The following STK33 variants were observed in gnomAD, a reference collection of about 807,000 sequenced individuals.
STK33 encodes serine/threonine-protein kinase 33.
STK33 carries 52 observed loss-of-function variants against 58.0 expected under a neutral mutation model. That is an observed-to-expected ratio of 0.90 (90% CI 0.72 to 1.13). STK33 has a LOEUF of 1.13. Among genes scored for constraint, STK33 ranks in the 50% most tolerant of loss-of-function variants. The probability of loss-of-function intolerance (pLI) is 0.00; values close to 1 mark genes in which losing one functional copy is unlikely to be tolerated. For missense variants in STK33, 630 were observed against 604.2 expected, an observed-to-expected ratio of 1.04 and a Z score of -0.45; for synonymous variants, 215 against 200.1, an observed-to-expected ratio of 1.07 and a Z score of -0.63.
At chr11:8,482,748 G>GAGAC (rs1347154701) in intron 1 of STK33, among the ~76,000 whole-genome samples, 2 of 148,114 alleles carry the variant, frequency 1.4e-5, no homozygotes, top group African/African-American at 4.9e-5. Flanking sequence ...TTATTTTTTT[G>GAGAC]AGACAGAGTC....
At chr11:8,360,700 C>T in the STK33 span, among the ~76,000 whole-genome samples, 3 of 152,242 alleles carry the variant, frequency 2.0e-5, no homozygotes, top group Non-Finnish European at 4.4e-5. Context: ...CTGATGTCCC[C>T]GTTTCCTTGC....
intron 1 of STK33, among the ~76,000 whole-genome samples, chr11:8,571,193 C>T (rs1957783861): frequency 6.6e-6 from 1 of 152,182 alleles, no homozygotes; most frequent in African/African-American, 2.4e-5. Flanking sequence ...CTTCCGAAAT[C>T]TGCAGGAGCA....
At chr11:8,339,719 G>A in the STK33 span, among the ~76,000 whole-genome samples, 1 of 152,242 alleles carries the variant, frequency 6.6e-6, no homozygotes, top group Non-Finnish European at 1.5e-5. Context: ...GTGGGTGGGA[G>A]GTTGTCACCT....
chr11:8,570,518 G>A (rs1591837002), intron 1 of STK33, among the ~76,000 whole-genome samples: 1 of 152,142 alleles, frequency 6.6e-6, no homozygotes, highest in South Asian at 2.1e-4. Context: ...CCAAATGAAT[G>A]TCCAACAACA....
chr11:8,452,953 G>A (rs967125394), intron 10 of STK33, 47 bp from the exon 11 acceptor site: 2 of 1,505,268 alleles, frequency 1.3e-6, no homozygotes, highest in Non-Finnish European at 1.9e-6. Flanking sequence ...CTGTCCTAGA[G>A]CTCACTCATT....
chr11:8,493,899 C>T (rs943943749), intron 1 of STK33, among the ~76,000 whole-genome samples: 1 of 152,120 alleles, frequency 6.6e-6, no homozygotes, highest in Non-Finnish European at 1.5e-5. Flanking sequence ...ATTCAACAGC[C>T]CTTCATGCTA....
At chr11:8,552,030 G>A (rs1460278741) in intron 1 of STK33, among the ~76,000 whole-genome samples, 1 of 152,148 alleles carries the variant, frequency 6.6e-6, no homozygotes, top group Non-Finnish European at 1.5e-5. Flanking sequence ...ACCCCCAGAT[G>A]GTACAACCCT....
At chr11:8,395,838 A>G (rs969462444) in intron 15 of STK33, among the ~76,000 whole-genome samples, 2 of 152,236 alleles carry the variant, frequency 1.3e-5, no homozygotes, top group African/African-American at 2.4e-5. Flanking sequence ...GATAAATGGT[A>G]TATGGATTTG....
chr11:8,437,876 T>C (rs2136313205), intron 12 of STK33, among the ~76,000 whole-genome samples: 1 of 152,364 alleles, frequency 6.6e-6, no homozygotes, highest in South Asian at 2.1e-4. Flanking sequence ...CTTATTTTAA[T>C]ACTTTTTATC....
chr11:8,534,556 CTCTCTCTCTCTCTGTGTGTG>C (rs1428770953), intron 1 of STK33, among the ~76,000 whole-genome samples: 3 of 130,556 alleles, frequency 2.3e-5, no homozygotes, highest in African/African-American at 9.7e-5. Context: ...CTCTCTCTCT[CTCTCTCTCTCTCTGTGTGTG>C]TGTGTGTGTG....
the STK33 span, among the ~76,000 whole-genome samples, chr11:8,378,219 G>T: frequency 6.6e-5 from 10 of 152,162 alleles, no homozygotes; most frequent in Non-Finnish European, 1.0e-4. Context: ...AGAGCGAAGT[G>T]GGGGGAAGCC....
the STK33 span, among the ~76,000 whole-genome samples, chr11:8,374,692 G>C: frequency 2.6e-5 from 4 of 152,172 alleles, no homozygotes; most frequent in African/African-American, 9.7e-5. Context: ...TGGGGGAAGG[G>C]CTGGAGCTTT....
chr11:8,560,756 T>C (rs965571254), intron 1 of STK33, among the ~76,000 whole-genome samples: 1 of 152,158 alleles, frequency 6.6e-6, no homozygotes, highest in African/African-American at 2.4e-5. Flanking sequence ...ACACACATTA[T>C]TGTATTTAAT....
At chr11:8,456,133 T>C (rs1303568340) in intron 9 of STK33, among the ~76,000 whole-genome samples, 2 of 152,236 alleles carry the variant, frequency 1.3e-5, no homozygotes, top group Non-Finnish European at 2.9e-5. Flanking sequence ...AAAATGTTGC[T>C]AAGATTTTGT....
At chr11:8,419,987 T>C (rs1278367147) in intron 14 of STK33, among the ~76,000 whole-genome samples, 1 of 152,130 alleles carries the variant, frequency 6.6e-6, no homozygotes, top group Non-Finnish European at 1.5e-5. Context: ...ATTATTTTTG[T>C]TGTTGTAGAG....
chr11:8,481,528 G>A (rs1949799616), intron 1 of STK33, among the ~76,000 whole-genome samples: 1 of 152,174 alleles, frequency 6.6e-6, no homozygotes, highest in Admixed American at 6.5e-5. Flanking sequence ...CCCAGCATAA[G>A]GCAGACAATG....
At chr11:8,549,465 G>C (rs896680947) in intron 1 of STK33, among the ~76,000 whole-genome samples, 26 of 151,462 alleles carry the variant, frequency 1.7e-4, no homozygotes, top group African/African-American at 5.6e-4. Flanking sequence ...TTTTGTTATG[G>C]CTTTGCCTGG....
the STK33 span, among the ~76,000 whole-genome samples, chr11:8,370,443 T>C: frequency 1.7e-4 from 26 of 152,284 alleles, 1 homozygote; most frequent in African/African-American, 6.0e-4. Flanking sequence ...AGTGATCATC[T>C]TGCCTTGCCT....
intron 7 of STK33, among the ~76,000 whole-genome samples, chr11:8,464,365 T>C (rs1947916069): frequency 6.6e-6 from 1 of 152,090 alleles, no homozygotes; most frequent in Non-Finnish European, 1.5e-5. Context: ...GGAGAGAGTA[T>C]CTGCACTTCT....
Sources: allele counts gnomAD v4.1 joint callset (sites outside exome capture counted in the v4.1 genomes callset), GRCh38; gene constraint gnomAD v4.1.1; transcripts MANE v1.5; gene names NCBI Gene and HGNC (gene_info 2026-07-23, HGNC 2026-07-21).